Variants in TMEM116 observed in about 807,000 individuals in gnomAD.
TMEM116 encodes the protein transmembrane protein 116.
Under a neutral mutation model 44.3 loss-of-function variants are expected in TMEM116, and 38 were observed. The ratio of observed to expected loss-of-function variants is 0.86; its 90% CI spans 0.66 to 1.12. The LOEUF is 1.12. TMEM116 is among the 50% of genes most tolerant of loss of function. The pLI is 0.00. For synonymous variants in TMEM116, 132 were observed against 144.8 expected (o/e 0.91, Z 0.64); for missense variants, 354 against 401.7 (o/e 0.88, Z 1.01).
At chr12:111,942,624 G>A (rs2072930188) in intron 5 of TMEM116, among the ~76,000 whole-genome samples, 1 of 152,168 alleles carries the variant, frequency 6.6e-6, no homozygotes, top group African/African-American at 2.4e-5. Context: ...GAGATGATAT[G>A]TCTAAGGTCA....
chr12:112,004,043 T>C (rs2077435868), intron 2 of TMEM116, among the ~76,000 whole-genome samples, 180 bp from the exon 3 acceptor site: 1 of 152,022 alleles, frequency 6.6e-6, no homozygotes, highest in Non-Finnish European at 1.5e-5. Flanking sequence ...TGCAGTGGTG[T>C]CATTATAGCT....
chr12:111,951,447 TAAATGTG>T (rs2073722096), intron 4 of TMEM116, among the ~76,000 whole-genome samples: 1 of 152,154 alleles, frequency 6.6e-6, no homozygotes, highest in Non-Finnish European at 1.5e-5. Context: ...CTGGATAAAG[TAAATGTG>T]GTACATATAT....
At chr12:111,964,184 T>C (rs1318071363) in intron 4 of TMEM116, among the ~76,000 whole-genome samples, 1 of 150,748 alleles carries the variant, frequency 6.6e-6, no homozygotes, top group East Asian at 1.9e-4. Flanking sequence ...CTCATGCCTG[T>C]AATCCCAGCA....
chr12:111,944,269 T>C (rs2073079286), intron 4 of TMEM116, among the ~76,000 whole-genome samples: 1 of 151,722 alleles, frequency 6.6e-6, no homozygotes, highest in African/African-American at 2.4e-5. Flanking sequence ...ATATCCAGTT[T>C]TCAAACAGTA....
At chr12:111,951,671 G>A (rs929967768) in intron 4 of TMEM116, among the ~76,000 whole-genome samples, 1 of 152,106 alleles carries the variant, frequency 6.6e-6, no homozygotes, top group Non-Finnish European at 1.5e-5. Flanking sequence ...AGAGAATGGA[G>A]GGTGGAAGGA....
At chr12:112,008,178 C>A (rs1286745911) in intron 1 of TMEM116, among the ~76,000 whole-genome samples, 3 of 151,998 alleles carry the variant, frequency 2.0e-5, no homozygotes, top group East Asian at 3.8e-4. Flanking sequence ...CAGAGTGAAA[C>A]CCTGTGTTAA....
At chr12:111,997,945 C>T (rs1013874559) in intron 3 of TMEM116, among the ~76,000 whole-genome samples, 1 of 151,946 alleles carries the variant, frequency 6.6e-6, no homozygotes, top group East Asian at 1.9e-4. Context: ...TGGCTTATGA[C>T]CTATCATAAG....
intron 2 of TMEM116, 86 bp from the exon 3 acceptor site, chr12:112,003,949 G>A (rs1421962908): frequency 7.1e-7 from 1 of 1,405,470 alleles, no homozygotes. Flanking sequence ...TTTTTTTACA[G>A]TTTTATTGGC....
At chr12:111,999,859 A>G (rs1254381543) in intron 3 of TMEM116, among the ~76,000 whole-genome samples, 1 of 152,228 alleles carries the variant, frequency 6.6e-6, no homozygotes, top group Non-Finnish European at 1.5e-5. Context: ...AAGAAATGGA[A>G]CTGTAAAGAT....
At chr12:111,942,002 A>C (rs1210049870) in intron 5 of TMEM116, among the ~76,000 whole-genome samples, 1 of 152,072 alleles carries the variant, frequency 6.6e-6, no homozygotes, top group African/African-American at 2.4e-5. Context: ...GCAATGGTGC[A>C]ATCTTGGCTC....
At chr12:111,934,072 G>A (rs1195848679) in intron 8 of TMEM116, 42 bp from the exon 9 acceptor site, 1 of 1,604,216 alleles carries the variant, frequency 6.2e-7, no homozygotes, top group Non-Finnish European at 8.5e-7. Flanking sequence ...TTAAAGCTTA[G>A]TAAAATGCCC....
chr12:111,968,819 C>G (rs1593445399), intron 4 of TMEM116, among the ~76,000 whole-genome samples: 1 of 151,086 alleles, frequency 6.6e-6, no homozygotes, highest in East Asian at 2.0e-4. Context: ...ATGGTGAAAC[C>G]CCGTCTCTAC....
At chr12:111,950,651 C>T (rs893315288) in intron 4 of TMEM116, among the ~76,000 whole-genome samples, 1 of 151,922 alleles carries the variant, frequency 6.6e-6, no homozygotes, top group African/African-American at 2.4e-5. Flanking sequence ...GAAACTGTAC[C>T]CTTTCCTTAC....
intron 4 of TMEM116, among the ~76,000 whole-genome samples, chr12:111,976,678 G>A (rs2136497277): frequency 6.6e-6 from 1 of 152,112 alleles, no homozygotes; most frequent in East Asian, 1.9e-4. Context: ...TATTAGATAG[G>A]GAATCTAAAA....
At chr12:111,995,709 G>A (rs2076893027) in intron 3 of TMEM116, among the ~76,000 whole-genome samples, 1 of 152,084 alleles carries the variant, frequency 6.6e-6, no homozygotes, top group South Asian at 2.1e-4. Context: ...CTGCACTCCA[G>A]CCTGAGCGAC....
chr12:111,999,241 G>T (rs1174436917), intron 3 of TMEM116, among the ~76,000 whole-genome samples: 1 of 150,384 alleles, frequency 6.6e-6, no homozygotes, highest in Non-Finnish European at 1.5e-5. Context: ...TTTTTACTTA[G>T]AAATTCAACT....
chr12:111,952,931 C>CCCCA (rs2073838889), intron 4 of TMEM116, among the ~76,000 whole-genome samples: 1 of 152,142 alleles, frequency 6.6e-6, no homozygotes, highest in East Asian at 1.9e-4. Context: ...TCACCTAATT[C>CCCCA]CCCATGGTCA....
chr12:111,950,202 G>A (rs893183187), intron 4 of TMEM116, among the ~76,000 whole-genome samples: 2 of 152,018 alleles, frequency 1.3e-5, no homozygotes, highest in South Asian at 2.1e-4. Flanking sequence ...TCTTGTGCCC[G>A]GGGTATGGGC....
chr12:111,951,906 A>G (rs1220605508), intron 4 of TMEM116, among the ~76,000 whole-genome samples: 1 of 152,150 alleles, frequency 6.6e-6, no homozygotes, highest in South Asian at 2.1e-4. Context: ...TTCAGCTTGC[A>G]CTAAGTTTTC....
Sources: gnomAD v4.1 joint callset for allele counts (sites outside exome capture counted in the v4.1 genomes callset) on GRCh38, gnomAD v4.1.1 for gene constraint, MANE v1.5 for transcripts, NCBI Gene and HGNC (gene_info 2026-07-23, HGNC 2026-07-21) for gene names.